The following PDE4B variants were observed in gnomAD, a reference collection of about 807,000 sequenced individuals.
PDE4B encodes 3',5'-cyclic-AMP phosphodiesterase 4B.
PDE4B carries 20 observed loss-of-function variants against 82.2 expected under a neutral mutation model. The observed-to-expected ratio is 0.24, with a 90% CI of 0.17 to 0.35. The LOEUF (loss-of-function observed/expected upper bound fraction) is 0.35, where lower values mean the gene tolerates loss of function less well. Among genes scored for constraint, PDE4B ranks in the 10% least tolerant of loss-of-function variants. PDE4B has a pLI of 1.00. For missense variants in PDE4B, 655 were observed against 907.2 expected (o/e 0.72, Z 3.57); for synonymous variants, 320 against 318.9 (o/e 1.00, Z -0.04).
chr1:66,291,066 G>A (rs1458594303), intron 7 of PDE4B, among the ~76,000 whole-genome samples: 2 of 152,096 alleles, frequency 1.3e-5, no homozygotes, highest in African/African-American at 4.8e-5. Flanking sequence ...ATGAAGAAGG[G>A]ATGCAAAATC....
At chr1:65,836,961 A>G (rs1001790177) in intron 1 of PDE4B, among the ~76,000 whole-genome samples, 6 of 152,142 alleles carry the variant, frequency 3.9e-5, no homozygotes, top group Admixed American at 2.6e-4. Context: ...AGGATTCCAG[A>G]ACTCAGGGAG....
chr1:65,965,914 A>G (rs553834777), intron 3 of PDE4B, among the ~76,000 whole-genome samples: 1 of 152,268 alleles, frequency 6.6e-6, no homozygotes, highest in South Asian at 2.1e-4. Flanking sequence ...AATGAAAGCT[A>G]TTTATGACAA....
At position 65,885,303 on chromosome 1, in the gene PDE4B, C is replaced by T. The variant is rs996023562; in HGVS notation, c.-70-27942C>T. On this transcript the variant is annotated intron_variant, in intron 1 of 16. Transcript: ENST00000341517. Reference sequence around the variant, plus strand: ...TCAACCATTGTGGAAGACAGTGTGGCGATTCCTCAAGTATCTAGAACTAGA... The same window carrying T: ...TCAACCATTGTGGAAGACAGTGTGGTGATTCCTCAAGTATCTAGAACTAGA... Among the ~76,000 whole-genome samples the T allele has an allele frequency of 7.9e-5, 12 of 152,282 alleles. No individual in the cohort carries two copies. The East Asian group carries it at 9.7e-4, about 12-fold the overall frequency.
At chr1:66,095,111 A>G (rs954464781) in intron 3 of PDE4B, among the ~76,000 whole-genome samples, 1 of 151,900 alleles carries the variant, frequency 6.6e-6, no homozygotes, top group African/African-American at 2.4e-5. Flanking sequence ...CTGTGCTACA[A>G]GCATCATTCA....
Position 66,055,001 on chromosome 1 carries a change from T to A in PDE4B, c.281+136166T>A, listed in dbSNP as rs780203153. ...CATGGACACCTTTATAGAGGTGATA[T>A]TAGTCAAACTGCGTTTTAAAGAGTG... On this transcript the variant is annotated intron_variant, in intron 3 of 16. Transcript: ENST00000341517. Among the ~76,000 whole-genome samples the A allele has an allele frequency of 2.0e-5, 3 of 152,228 alleles. No individual in the cohort carries two copies. The East Asian group carries it at 5.8e-4, about 29-fold the overall frequency.
intron 3 of PDE4B, among the ~76,000 whole-genome samples, chr1:66,157,232 G>A (rs1469725670): frequency 5.9e-5 from 9 of 152,118 alleles, no homozygotes; most frequent in Admixed American, 2.0e-4. Flanking sequence ...CTGTCCACAC[G>A]TCCCTAGAAT....
At chr1:66,235,358 C>T (rs1652326326) in intron 3 of PDE4B, among the ~76,000 whole-genome samples, 1 of 151,794 alleles carries the variant, frequency 6.6e-6, no homozygotes, top group African/African-American at 2.4e-5. Context: ...CAATTTTTGC[C>T]TTATGTAGTT....
At chr1:65,953,614 T>G (rs533957525) in intron 3 of PDE4B, among the ~76,000 whole-genome samples, 230 of 152,252 alleles carry the variant, frequency 1.5e-3, no homozygotes, top group Non-Finnish European at 2.4e-3. Flanking sequence ...TGGCCCATTT[T>G]AGACTGCTGA....
At chr1:65,842,395 C>T (rs1557774286) in intron 1 of PDE4B, among the ~76,000 whole-genome samples, 1 of 152,012 alleles carries the variant, frequency 6.6e-6, no homozygotes, top group African/African-American at 2.4e-5. Context: ...TGATCCCTGG[C>T]TCTTAGTAGT....
chr1:66,097,337 G>A (rs1271365937), intron 3 of PDE4B, among the ~76,000 whole-genome samples: 2 of 151,942 alleles, frequency 1.3e-5, no homozygotes, highest in African/African-American at 4.8e-5. Flanking sequence ...TTTCATTTAT[G>A]TTTTCCTTTA....
intron 3 of PDE4B, among the ~76,000 whole-genome samples, chr1:65,958,254 AT>A (rs1403191250): frequency 6.6e-6 from 1 of 152,044 alleles, no homozygotes; most frequent in Non-Finnish European, 1.5e-5. Context: ...TTTTTAAAAA[AT>A]TTATTGATAT....
At chr1:66,285,841 A>T (rs1395286921) in intron 7 of PDE4B, among the ~76,000 whole-genome samples, 3 of 152,284 alleles carry the variant, frequency 2.0e-5, no homozygotes, top group African/African-American at 7.2e-5. Flanking sequence ...CACTGTCAGG[A>T]AGAAAGAACC....
intron 1 of PDE4B, among the ~76,000 whole-genome samples, chr1:65,895,909 C>T (rs986291857): frequency 2.7e-5 from 4 of 145,786 alleles, no homozygotes; most frequent in Non-Finnish European, 6.0e-5. Flanking sequence ...GTTTTATTGT[C>T]ATCTGGGCAA....
At chr1:66,284,182 C>A (rs1570621822) in intron 7 of PDE4B, among the ~76,000 whole-genome samples, 1 of 152,280 alleles carries the variant, frequency 6.6e-6, no homozygotes, top group South Asian at 2.1e-4. Context: ...AAGATCCTAT[C>A]CTAAGTACAA....
chr1:66,238,463 A>G (rs1652635996), intron 3 of PDE4B, among the ~76,000 whole-genome samples: 1 of 152,174 alleles, frequency 6.6e-6, no homozygotes, highest in Admixed American at 6.5e-5. Flanking sequence ...TGCTCTTGCT[A>G]TGTGGAGAAG....
intron 3 of PDE4B, among the ~76,000 whole-genome samples, chr1:66,075,943 T>C (rs900573523): frequency 1.3e-5 from 2 of 150,734 alleles, no homozygotes; most frequent in African/African-American, 2.4e-5. Flanking sequence ...CAAAACACCA[T>C]GGGCCAAGCA....
At chr1:66,191,205 A>G (rs7537021) in intron 3 of PDE4B, among the ~76,000 whole-genome samples, 75,556 of 151,890 alleles carry the variant, frequency 0.5, 19,527 homozygotes, top group South Asian at 0.63. Context: ...GGGAGCTCCT[A>G]AAACTTGTAT....
chr1:66,079,820 A>G (rs1485300803), intron 3 of PDE4B, among the ~76,000 whole-genome samples: 1 of 152,182 alleles, frequency 6.6e-6, no homozygotes, highest in Non-Finnish European at 1.5e-5. Flanking sequence ...TTAAAATACA[A>G]TTTGTTAAAT....
chr1:66,070,078 T>G (rs75099422), intron 3 of PDE4B, among the ~76,000 whole-genome samples: 31 of 152,032 alleles, frequency 2.0e-4, no homozygotes, highest in Non-Finnish European at 1.8e-4. Context: ...TTTACACTTG[T>G]TACTCTGAAA....
Sources: gnomAD v4.1 joint callset for allele counts (sites outside exome capture counted in the v4.1 genomes callset) on GRCh38, gnomAD v4.1.1 for gene constraint, MANE v1.5 for transcripts, NCBI Gene and HGNC (gene_info 2026-07-23, HGNC 2026-07-21) for gene names.